The following CBLB variants were observed in gnomAD, a reference collection of about 807,000 sequenced individuals.
The protein encoded by CBLB is Cbl proto-oncogene B.
CBLB carries 31 observed loss-of-function variants against 104.9 expected under a neutral mutation model. That is an observed-to-expected ratio of 0.30 (90% CI 0.22 to 0.40). CBLB has a LOEUF of 0.40. CBLB is among the 10% of genes least tolerant of loss of function. CBLB has a pLI of 1.00. For missense variants in CBLB, 1,062 were observed against 1,214.6 expected (o/e 0.87, Z 1.87); for synonymous variants, 440 against 422.6 (o/e 1.04, Z -0.51).
chr3:105,720,069 TTCA>T lies in CBLB; in HGVS notation c.1382_1384del (p.Met461del). ...TACCTTTCGGACGTTTGCCAACCGA[TTCA>T]TCATCAAGGACTCCTCACGATCATC... On this transcript the variant is annotated inframe_deletion, in exon 10 of 19. Transcript: ENST00000394030. 1 of 1,613,864 alleles carries T rather than the reference TTCA, an allele frequency of 6.2e-7. No individual in the cohort carries two copies. The highest frequency in any genetic ancestry group is 1.7e-4 in the Middle Eastern group (1 of 6,060).
At chr3:105,749,964 A>C (rs2152904599) in intron 5 of CBLB, among the ~76,000 whole-genome samples, 1 of 152,276 alleles carries the variant, frequency 6.6e-6, no homozygotes, top group African/African-American at 2.4e-5. Context: ...TGCTTACCCT[A>C]TATAGAAGGT....
chr3:105,702,549 G>A, intron 11 of CBLB, 90 bp from the exon 12 acceptor site: 2 of 1,329,338 alleles, frequency 1.5e-6, no homozygotes, highest in Middle Eastern at 2.6e-4. Context: ...GTGTATTATT[G>A]CTTTAATTTT....
intron 16 of CBLB, among the ~76,000 whole-genome samples, chr3:105,680,048 T>A (rs1204355771): frequency 1.3e-5 from 2 of 151,770 alleles, no homozygotes; most frequent in African/African-American, 4.8e-5. Context: ...GAAAGGAGCT[T>A]AAAAAAAAGC....
intron 4 of CBLB, among the ~76,000 whole-genome samples, chr3:105,771,222 A>G (rs980343506): frequency 1.3e-5 from 2 of 152,222 alleles, no homozygotes; most frequent in African/African-American, 4.8e-5. Flanking sequence ...CAGAGATACA[A>G]GGACAGTTTA....
At chr3:105,671,638 G>A (rs1033619489) in intron 17 of CBLB, 9 of 204,712 alleles carry the variant, frequency 4.4e-5, no homozygotes, top group African/African-American at 6.8e-5. Context: ...GATTACTTAC[G>A]ATGAAAACAT....
intron 3 of CBLB, among the ~76,000 whole-genome samples, chr3:105,847,438 G>T (rs2090408943): frequency 7.0e-6 from 1 of 143,484 alleles, no homozygotes; most frequent in African/African-American, 2.6e-5. Flanking sequence ...ACCCCATTTT[G>T]TCATTTATTT....
intron 4 of CBLB, among the ~76,000 whole-genome samples, chr3:105,760,392 T>C (rs1270284222): frequency 6.6e-6 from 1 of 152,236 alleles, no homozygotes; most frequent in Non-Finnish European, 1.5e-5. Context: ...TGTTCTTTTC[T>C]TTCTAAAGTA....
chr3:105,840,139 T>TA (rs2089322128), intron 3 of CBLB, among the ~76,000 whole-genome samples: 1 of 152,162 alleles, frequency 6.6e-6, no homozygotes. Flanking sequence ...TCAGCATCTG[T>TA]AAAATGAGCT....
At chr3:105,717,954 G>C (rs2072162358) in intron 10 of CBLB, among the ~76,000 whole-genome samples, 1 of 152,134 alleles carries the variant, frequency 6.6e-6, no homozygotes, top group Non-Finnish European at 1.5e-5. Flanking sequence ...CAACAGAGAA[G>C]CTACTATTAT....
At chr3:105,810,591 T>C (rs1334441893) in intron 3 of CBLB, among the ~76,000 whole-genome samples, 1 of 152,124 alleles carries the variant, frequency 6.6e-6, no homozygotes, top group Admixed American at 6.5e-5. Flanking sequence ...GAAACCTATA[T>C]ACTCTTCTGT....
intron 15 of CBLB, 52 bp from the exon 16 acceptor site, chr3:105,681,662 T>G: frequency 6.2e-7 from 1 of 1,612,204 alleles, no homozygotes; most frequent in Non-Finnish European, 8.5e-7. Context: ...GGCATGAAAT[T>G]TTGCCTTTAA....
rs1553758218 is a variant in CBLB at position 105,741,098 on chromosome 3, T to TG, written c.846-468_846-467insC. Among the ~76,000 whole-genome samples, 64 of 86,732 alleles carry TG rather than the reference T, an allele frequency of 7.4e-4. 2 individuals carry two copies. The highest frequency in any genetic ancestry group is 4.5e-3 in the East Asian group (5 of 1,120). 56.9% of individuals were successfully genotyped at this position (86,732 alleles called of 152,430 possible). A position where few individuals can be genotyped will look rare whatever the true frequency, so the allele number is the denominator to read the frequency against. On this transcript the variant is annotated intron_variant, in intron 6 of 18. Coordinates refer to ENST00000394030, the MANE Select transcript of CBLB (RefSeq NM_170662.5). ...TAATTTAGACATAAAAATTAGGGTT[T>TG]TTTTTTTTTTTTTTTTTTTGAGACG...
At chr3:105,758,423 T>A (rs1282427542) in intron 4 of CBLB, among the ~76,000 whole-genome samples, 1 of 152,210 alleles carries the variant, frequency 6.6e-6, no homozygotes, top group Non-Finnish European at 1.5e-5. Context: ...TTGTCTCTAG[T>A]GCAGATAAGC....
At chr3:105,697,618 T>C (rs2068547184) in intron 12 of CBLB, among the ~76,000 whole-genome samples, 1 of 152,010 alleles carries the variant, frequency 6.6e-6, no homozygotes, top group Admixed American at 6.6e-5. Flanking sequence ...AATTTATAGA[T>C]AACTTTAAGG....
At chr3:105,728,684 T>A (rs566953557) in intron 9 of CBLB, among the ~76,000 whole-genome samples, 1 of 152,038 alleles carries the variant, frequency 6.6e-6, no homozygotes, top group Non-Finnish European at 1.5e-5. Flanking sequence ...GCACACAGAG[T>A]AGTATTACTT....
At chr3:105,837,011 C>T (rs137909593) in intron 3 of CBLB, among the ~76,000 whole-genome samples, 1 of 151,314 alleles carries the variant, frequency 6.6e-6, no homozygotes, top group African/African-American at 2.4e-5. Context: ...TTAGATCCAA[C>T]CCTCCGACCT....
At chr3:105,830,323 A>C (rs2087295640) in intron 3 of CBLB, among the ~76,000 whole-genome samples, 1 of 152,232 alleles carries the variant, frequency 6.6e-6, no homozygotes, top group Non-Finnish European at 1.5e-5. Flanking sequence ...CTCTGTACTT[A>C]ATTTCCTACC....
intron 10 of CBLB, among the ~76,000 whole-genome samples, chr3:105,705,589 T>C (rs2069967256): frequency 6.6e-6 from 1 of 152,150 alleles, no homozygotes; most frequent in South Asian, 2.1e-4. Context: ...GGGTTAAAAG[T>C]TTTGAGGAGT....
chr3:105,744,686 C>A (rs1347712657), intron 6 of CBLB, among the ~76,000 whole-genome samples: 1 of 151,786 alleles, frequency 6.6e-6, no homozygotes, highest in Non-Finnish European at 1.5e-5. Context: ...AATCCCAGCA[C>A]TTTGGGAGAC....
Sources: allele counts gnomAD v4.1 joint callset (sites outside exome capture counted in the v4.1 genomes callset), GRCh38; gene constraint gnomAD v4.1.1; transcripts MANE v1.5; gene names NCBI Gene and HGNC (gene_info 2026-07-23, HGNC 2026-07-21).